NUDT9: variants seen among roughly 807,000 people sequenced by gnomAD.
NUDT9 encodes the protein ADP-ribose pyrophosphatase.
A neutral mutation model predicts 41.0 loss-of-function variants in NUDT9; 31 were observed. That is an observed-to-expected ratio of 0.76 (90% CI 0.57 to 1.02). NUDT9 has a LOEUF of 1.02. NUDT9 is among the 50% of genes least tolerant of loss of function. The pLI, the probability that NUDT9 is intolerant of heterozygous loss-of-function variation, is 0.00. For missense variants in NUDT9, 380 were observed against 431.4 expected, an observed-to-expected ratio of 0.88 and a Z score of 1.06; for synonymous variants, 146 against 147.6, an observed-to-expected ratio of 0.99 and a Z score of 0.08.
At position 87,441,698 on chromosome 4, in the gene NUDT9, G is replaced by C. The variant is rs1722208443; in HGVS notation, c.444-131G>C. Reference sequence around the variant, plus strand: ...AATACATGACTTCAGCACCAGATATGTGATAGTTCCATTGGATTTGTAAGG... The same window carrying C: ...AATACATGACTTCAGCACCAGATATCTGATAGTTCCATTGGATTTGTAAGG... On this transcript the variant is annotated intron_variant, in intron 3 of 7. Transcript: ENST00000302174. 6.7e-6 allele frequency: 5 copies of C among 745,692 alleles called. No homozygotes were observed. The Admixed American group carries it at 1.1e-4, about 16-fold the overall frequency. The allele number at this position is 745,692 out of a possible 1,614,324, so 46.2% of individuals were successfully genotyped here. A position where few individuals can be genotyped will look rare whatever the true frequency, so the allele number is the denominator to read the frequency against.
chr4:87,422,967 C>A lies in NUDT9; in HGVS notation c.62C>A (p.Ser21Tyr). The A allele has an allele frequency of 6.2e-7, 1 of 1,613,366 alleles. No homozygotes were observed. Among genetic ancestry groups the A allele is most frequent in the Non-Finnish European group, 8.5e-7 (1 of 1,179,818 alleles). Reference sequence around the variant, plus strand: ...GTGTCTCTCTCTCTGGCCTTGGCCTCTGTGACTATCAGGTCCTCGCGCTGC... The same window carrying A: ...GTGTCTCTCTCTCTGGCCTTGGCCTATGTGACTATCAGGTCCTCGCGCTGC... Reference protein sequence around the residue: ...AAVSLSLALASVTIRSSRCRG... With the variant: ...AAVSLSLALAYVTIRSSRCRG... The change falls in exon 1 of 8, where the codon TCT becomes TAT. Residue 21 changes from serine (S) to tyrosine (Y), a missense_variant. By Grantham distance (144) the Ser-to-Tyr change is moderately radical (BLOSUM62 -2). Coordinates refer to ENST00000302174, the MANE Select transcript of NUDT9 (RefSeq NM_024047.5).
chr4:87,442,782 A>G (rs1016558432), intron 4 of NUDT9, among the ~76,000 whole-genome samples: 4 of 152,314 alleles, frequency 2.6e-5, no homozygotes, highest in African/African-American at 7.2e-5. Flanking sequence ...AGGATCATCA[A>G]TATCACTGTT....
intron 4 of NUDT9, among the ~76,000 whole-genome samples, chr4:87,447,540 G>A (rs1722514139): frequency 6.6e-6 from 1 of 151,054 alleles, no homozygotes; most frequent in Non-Finnish European, 1.5e-5. Flanking sequence ...CCTAAAATTG[G>A]GCTAGAGGTT....
chr4:87,425,780 T>A (rs1281932565), intron 1 of NUDT9, among the ~76,000 whole-genome samples: 1 of 151,764 alleles, frequency 6.6e-6, no homozygotes, highest in Non-Finnish European at 1.5e-5. Context: ...AAGTGACAGT[T>A]TTGCACTTAG....
At chr4:87,423,450 ACCTC>A (rs1721244255) in intron 1 of NUDT9, among the ~76,000 whole-genome samples, 1 of 151,644 alleles carries the variant, frequency 6.6e-6, no homozygotes, top group African/African-American at 2.4e-5. Flanking sequence ...TTTACTATCT[ACCTC>A]CTTTTTTTTA....
intron 6 of NUDT9, among the ~76,000 whole-genome samples, chr4:87,453,469 C>T (rs1722844133): frequency 6.6e-6 from 1 of 151,950 alleles, no homozygotes; most frequent in Non-Finnish European, 1.5e-5. Flanking sequence ...CTGGCTCTGT[C>T]ACCAGGCTGG....
intron 3 of NUDT9, among the ~76,000 whole-genome samples, chr4:87,439,226 C>T (rs1722091216): frequency 1.3e-5 from 2 of 151,722 alleles, no homozygotes; most frequent in African/African-American, 2.4e-5. Flanking sequence ...GTTTAATTAA[C>T]TTACAGTTCT....
At chr4:87,444,907 T>G (rs2110180031) in intron 4 of NUDT9, among the ~76,000 whole-genome samples, 1 of 152,348 alleles carries the variant, frequency 6.6e-6, no homozygotes, top group South Asian at 2.1e-4. Context: ...CTTTGTTATC[T>G]CAATAATGCA....
intron 3 of NUDT9, among the ~76,000 whole-genome samples, chr4:87,440,193 T>C (rs1335515211): frequency 2.6e-5 from 4 of 152,222 alleles, no homozygotes; most frequent in Non-Finnish European, 5.9e-5. Flanking sequence ...TAATGAAGTC[T>C]CTTTGACTAA....
intron 5 of NUDT9, 44 bp downstream of exon 5, chr4:87,449,297 C>A: frequency 2.0e-6 from 2 of 985,034 alleles, no homozygotes; most frequent in Non-Finnish European, 3.3e-6. Context: ...CTTTTAGTTG[C>A]TTTACTTACT....
At chr4:87,456,298 T>C (rs1358576959) in intron 7 of NUDT9, among the ~76,000 whole-genome samples, 3 of 152,204 alleles carry the variant, frequency 2.0e-5, no homozygotes, top group Admixed American at 1.3e-4. Flanking sequence ...GGCCCTGGGC[T>C]GTGACCCTTC....
rs763391106 is a variant in NUDT9, at chr4:87,454,405, C to A, written c.824C>A (p.Thr275Asn). The A allele has an allele frequency of 1.9e-6, 3 of 1,612,044 alleles. No homozygotes were observed. Among genetic ancestry groups the A allele is most frequent in the East Asian group, 2.2e-5 (1 of 44,850 alleles). Residue 275 changes from threonine (T) to asparagine (N), a missense_variant, in exon 7 of 8, where the codon ACT becomes AAT. By Grantham distance (65) the Thr-to-Asn change is moderately conservative. Transcript: ENST00000302174. ...YKGYVDDPRN[T>N]DNAWMETEAV... ...GGATATGTTGATGATCCTCGAAACA[C>A]TGATAATGCATGGATGGAGACAGAA...
chr4:87,453,569 A>G (rs1037025377), intron 6 of NUDT9, among the ~76,000 whole-genome samples: 9 of 151,852 alleles, frequency 5.9e-5, no homozygotes, highest in Admixed American at 4.6e-4. Flanking sequence ...AGCTGGGACT[A>G]CAGGTGTTCT....
intron 1 of NUDT9, among the ~76,000 whole-genome samples, chr4:87,432,292 T>A (rs1721721986): frequency 6.6e-6 from 1 of 152,176 alleles, no homozygotes; most frequent in Non-Finnish European, 1.5e-5. Context: ...CTGGAGATAC[T>A]TTTATACAGT....
intron 4 of NUDT9, among the ~76,000 whole-genome samples, chr4:87,447,493 T>C (rs948792580): frequency 6.6e-6 from 1 of 151,708 alleles, no homozygotes; most frequent in Non-Finnish European, 1.5e-5. Context: ...TTTTTTTTGT[T>C]TTGTTTTGTT....
intron 1 of NUDT9, among the ~76,000 whole-genome samples, chr4:87,433,263 G>T (rs1419178525): frequency 6.6e-6 from 1 of 152,110 alleles, no homozygotes; most frequent in Non-Finnish European, 1.5e-5. Flanking sequence ...GCCCATCCAA[G>T]ATCATTGATT....
chr4:87,453,817 G>T (rs1722863602), intron 6 of NUDT9, among the ~76,000 whole-genome samples: 1 of 150,822 alleles, frequency 6.6e-6, no homozygotes, highest in African/African-American at 2.4e-5. Context: ...TACATTAAAA[G>T]TTTTATGATA....
At chr4:87,435,282 T>G in intron 2 of NUDT9, 62 bp downstream of exon 2, 1 of 1,518,118 alleles carries the variant, frequency 6.6e-7, no homozygotes, top group Non-Finnish European at 8.9e-7. Context: ...TGGTTTTATT[T>G]GTAAAGTATC....
chr4:87,423,726 C>G (rs1721264769), intron 1 of NUDT9, among the ~76,000 whole-genome samples: 1 of 152,114 alleles, frequency 6.6e-6, no homozygotes, highest in South Asian at 2.1e-4. Context: ...TGCTTTTTCT[C>G]GAACATGTGA....
Sources: allele counts gnomAD v4.1 joint callset (sites outside exome capture counted in the v4.1 genomes callset), GRCh38; gene constraint gnomAD v4.1.1; transcripts MANE v1.5; gene names NCBI Gene and HGNC (gene_info 2026-07-23, HGNC 2026-07-21).